Variants in OIT3 observed in about 807,000 individuals in gnomAD.
OIT3 encodes oncoprotein-induced transcript 3 protein.
Under a neutral mutation model 52.2 loss-of-function variants are expected in OIT3, and 41 were observed. That is an observed-to-expected ratio of 0.79 (90% confidence interval 0.61 to 1.02). The LOEUF is 1.02. Ranked by LOEUF, OIT3 falls within the 50% of genes least tolerant of loss-of-function variation. The probability of loss-of-function intolerance (pLI) is 0.00; values close to 1 mark genes in which losing one functional copy is unlikely to be tolerated. For missense variants in OIT3, 634 were observed against 715.5 expected (o/e 0.89, Z 1.30); for synonymous variants, 244 against 276.9 (o/e 0.88, Z 1.18).
At chr10:72,923,503 G>C (rs1846139307) in intron 6 of OIT3, among the ~76,000 whole-genome samples, 1 of 152,170 alleles carries the variant, frequency 6.6e-6, no homozygotes, top group Non-Finnish European at 1.5e-5. Context: ...GAACTGTGCT[G>C]TGGTACCGTT....
chr10:72,899,707 A>T (rs1263870646), intron 2 of OIT3, among the ~76,000 whole-genome samples: 2 of 18,116 alleles, frequency 1.1e-4, no homozygotes, highest in African/African-American at 4.3e-4. Context: ...GATAGATGAT[A>T]GATAGATAGA....
chr10:72,931,024 G>T (rs934854174), intron 8 of OIT3, among the ~76,000 whole-genome samples: 4 of 152,074 alleles, frequency 2.6e-5, no homozygotes, highest in Non-Finnish European at 5.9e-5. Flanking sequence ...ACTGAAAATA[G>T]TACTTAAGTG....
intron 6 of OIT3, 78 bp from the exon 7 acceptor site, chr10:72,924,150 TA>T: frequency 8.1e-7 from 1 of 1,233,642 alleles, no homozygotes; most frequent in Admixed American, 2.3e-5. Context: ...GATAGAATGT[TA>T]AGGTGAGAGG....
At chr10:72,894,800 A>G (rs1368545297) in intron 1 of OIT3, among the ~76,000 whole-genome samples, 1 of 152,128 alleles carries the variant, frequency 6.6e-6, no homozygotes, top group East Asian at 1.9e-4. Context: ...AGGCGGGAGA[A>G]TCACTTGAAC....
At chr10:72,895,614 C>T (rs1845868992) in intron 1 of OIT3, among the ~76,000 whole-genome samples, 1 of 152,146 alleles carries the variant, frequency 6.6e-6, no homozygotes, top group Non-Finnish European at 1.5e-5. Flanking sequence ...AGCTCAGGCA[C>T]AGGGTCGAAA....
intron 4 of OIT3, among the ~76,000 whole-genome samples, chr10:72,907,822 T>TA (rs1845993814): frequency 6.6e-6 from 1 of 152,188 alleles, no homozygotes; most frequent in Non-Finnish European, 1.5e-5. Flanking sequence ...TTTATATAAC[T>TA]AATAAAAAAG....
chr10:72,924,382 G>A lies in OIT3; in HGVS notation c.1105G>A (p.Val369Ile), dbSNP rs760442286. 95 of 1,613,994 alleles carry A rather than the reference G, an allele frequency of 5.9e-5. 1 individual carries two copies. The Middle Eastern group carries it at 9.9e-4, about 17-fold the overall frequency. The change falls in exon 7 of 9, where the codon GTT becomes ATT. Residue 369 changes from valine (V) to isoleucine (I), a missense_variant. Val to Ile is a conservative substitution (Grantham distance 29). Transcript: ENST00000334011. ...PRLYTISEGY[V>I]PNLRNSPLEI... The stretch of plus-strand genomic sequence containing the variant: ...CCTGTACACCATTTCTGAAGGATAC[G>A]TTCCCAACCTTCGAAACTCCCCACT...
chr10:72,926,779 A>G (rs1348770265), intron 7 of OIT3, among the ~76,000 whole-genome samples: 1 of 152,146 alleles, frequency 6.6e-6, no homozygotes, highest in Non-Finnish European at 1.5e-5. Context: ...AACATTTTGT[A>G]TTTATTTTTT....
intron 4 of OIT3, among the ~76,000 whole-genome samples, chr10:72,908,207 C>T (rs1845997449): frequency 6.6e-6 from 1 of 151,988 alleles, no homozygotes; most frequent in South Asian, 2.1e-4. Context: ...AGCGCCACTG[C>T]ACTCCAGCCT....
rs1401562997 is a variant in OIT3 at position 72,906,301 on chromosome 10, CA to C, written c.545-292del. Among the ~76,000 whole-genome samples, 6 of 152,264 alleles carry C rather than the reference CA, an allele frequency of 3.9e-5. No individual in the cohort carries two copies. In the South Asian group the frequency reaches 1.2e-3, roughly 32 times the overall value. ...TTAAAGAAAGTGAAATTCACCAATA[CA>C]AATAGGTAGGTGTACCCACGACTCA... On this transcript the variant is annotated intron_variant, in intron 3 of 8. Coordinates refer to ENST00000334011, the MANE Select transcript of OIT3 (RefSeq NM_152635.3).
intron 7 of OIT3, among the ~76,000 whole-genome samples, chr10:72,927,337 G>A (rs1425714843): frequency 1.3e-5 from 2 of 151,876 alleles, no homozygotes; most frequent in Non-Finnish European, 2.9e-5. Flanking sequence ...ATGGGGTTTC[G>A]CCGTGTTGGC....
At chr10:72,895,365 C>CGATGG (rs2132919387) in intron 1 of OIT3, among the ~76,000 whole-genome samples, 1 of 152,264 alleles carries the variant, frequency 6.6e-6, no homozygotes, top group African/African-American at 2.4e-5. Flanking sequence ...TTTCCATATA[C>CGATGG]CATCGCCCTT....
At chr10:72,930,421 G>GT in intron 7 of OIT3, 117 bp from the exon 8 acceptor site, 1 of 750,654 alleles carries the variant, frequency 1.3e-6, no homozygotes. Flanking sequence ...AAAAGCTTGA[G>GT]TACAGTCCAG....
At chr10:72,924,165 G>A (rs1846145580) in intron 6 of OIT3, 64 bp from the exon 7 acceptor site, 2 of 1,389,186 alleles carry the variant, frequency 1.4e-6, no homozygotes, top group South Asian at 1.4e-5. Context: ...TGAGAGGAGG[G>A]GGAAAAAAAA....
chr10:72,903,037 C>A (rs1292637038), intron 3 of OIT3, among the ~76,000 whole-genome samples: 2 of 152,078 alleles, frequency 1.3e-5, no homozygotes, highest in African/African-American at 4.8e-5. Context: ...GATGGTGAAT[C>A]CTCTGAAATT....
In OIT3 at chr10:72,924,355, C is replaced by T. The variant is rs370448182; in HGVS notation, c.1078C>T (p.Arg360Cys). The change falls in exon 7 of 9, where the codon CGC becomes TGC. Residue 360 changes from arginine (R) to cysteine (C), a missense_variant. Coordinates refer to ENST00000334011, the MANE Select transcript of OIT3 (RefSeq NM_152635.3). ...GATCCCGGTGACCTGCGAGTTTCCA[C>T]GCCTGTACACCATTTCTGAAGGATA... ...LLIPVTCEFP[R>C]LYTISEGYVP... is the part of the protein sequence containing the mutation. 50 of 1,613,992 alleles carry T rather than the reference C, an allele frequency of 3.1e-5. No homozygotes were observed. The highest frequency in any genetic ancestry group is 1.5e-4 in the South Asian group (14 of 91,084).
chr10:72,916,026 C>T lies in OIT3; in HGVS notation c.951+2558C>T, dbSNP rs192550942. Among the ~76,000 whole-genome samples the T allele has an allele frequency of 3.7e-3, 568 of 152,150 alleles. 4 individuals are homozygous for T. Among genetic ancestry groups the T allele is most frequent in the Non-Finnish European group, 4.2e-3 (283 of 68,004 alleles). On this transcript the variant is annotated intron_variant, in intron 6 of 8. Transcript: ENST00000334011. ...TGAGTTTGAGTGAGGCATTGAAGGGCGGGTAAATGAAGATGGGAATGATGG... is the reference window on the plus strand; with the variant it reads ...TGAGTTTGAGTGAGGCATTGAAGGGTGGGTAAATGAAGATGGGAATGATGG...
rs200619658 is a variant in OIT3 at position 72,932,504 on chromosome 10, C to T, written c.1618C>T (p.Arg540Cys). 1.4e-5 allele frequency: 22 copies of T among 1,608,822 alleles called. No individual in the cohort carries two copies. The highest frequency in any genetic ancestry group is 3.3e-5 in the South Asian group (3 of 90,170). Residue 540 changes from arginine to cysteine, a missense_variant, in exon 9 of 9, where the codon CGC becomes TGC. By Grantham distance (180) the Arg-to-Cys change is radical. Coordinates refer to ENST00000334011, the MANE Select transcript of OIT3 (RefSeq NM_152635.3). The stretch of plus-strand genomic sequence containing the variant: ...CCAGACGCTAACAGGCGGCCCGATC[C>T]GCATCGACTGGGAGGACTAGTTCGT... ...QGQTLTGGPIRIDWED is the reference protein window; with the variant it reads ...QGQTLTGGPICIDWED
rs192033055 is a variant in OIT3, at chr10:72,926,391, T to A, written c.1367+1747T>A. On this transcript the variant is annotated intron_variant, in intron 7 of 8. Coordinates refer to ENST00000334011, the MANE Select transcript of OIT3 (RefSeq NM_152635.3). ...CCCTGTCCTCTCTATTCCATTCCTA[T>A]TGTCTTAATTCCCACCTTCATTATC... is the stretch of plus-strand genomic sequence containing the variant. Among the ~76,000 whole-genome samples the A allele has an allele frequency of 4.5e-4, 68 of 152,300 alleles. No individual in the cohort carries two copies. In the East Asian group the frequency reaches 8.9e-3, roughly 20 times the overall value.
Sources: allele counts gnomAD v4.1 joint callset (sites outside exome capture counted in the v4.1 genomes callset), GRCh38; gene constraint gnomAD v4.1.1; transcripts MANE v1.5; gene names NCBI Gene and HGNC (gene_info 2026-07-23, HGNC 2026-07-21).